The following GUCY2F variants were observed in gnomAD, a reference collection of about 807,000 sequenced individuals.
GUCY2F encodes guanylate cyclase 2F, retinal.
Under a neutral mutation model 73.1 loss-of-function variants are expected in GUCY2F, and 61 were observed. The ratio of observed to expected loss-of-function variants is 0.83; its 90% CI spans 0.68 to 1.03. The LOEUF is 1.03. Ranked by LOEUF, GUCY2F falls within the 50% of genes least tolerant of loss-of-function variation. GUCY2F has a pLI of 0.00. For missense variants in GUCY2F, 912 were observed against 854.3 expected, an observed-to-expected ratio of 1.07 and a Z score of -0.84; for synonymous variants, 331 against 307.8, an observed-to-expected ratio of 1.08 and a Z score of -0.79.
chrX:109,415,372 C>A (rs1454195449), intron 8 of GUCY2F, among the ~76,000 whole-genome samples: 1 of 112,224 alleles, frequency 8.9e-6, no homozygotes, highest in Non-Finnish European at 1.9e-5. Context: ...AGTTTTCTCC[C>A]CACAGCATAT....
chrX:109,477,016 A>T lies in GUCY2F; in HGVS notation c.-85-995T>A, dbSNP rs373577148. ...TTAAGCAGGGAAATAGTATTATCAG[A>T]TTTCCATTTTAAAGGATCTCTCTAG... On this transcript the variant is annotated intron_variant, in intron 1 of 19. Coordinates refer to ENST00000218006, the MANE Select transcript of GUCY2F (RefSeq NM_001522.3). 5.4e-5 allele frequency among the ~76,000 whole-genome samples: 6 copies of T among 110,565 alleles called. No individual in the cohort carries two copies. The East Asian group carries it at 1.7e-3, about 32-fold the overall frequency.
intron 4 of GUCY2F, 132 bp downstream of exon 4, chrX:109,453,373 A>T (rs1932177605): frequency 2.3e-6 from 1 of 426,182 alleles, no homozygotes; most frequent in Non-Finnish European, 4.1e-6. Context: ...GAGTGCCAAG[A>T]AGTGTATGTC....
intron 9 of GUCY2F, 47 bp downstream of exon 9, chrX:109,408,945 T>A: frequency 1.6e-6 from 1 of 637,489 alleles, no homozygotes; most frequent in Non-Finnish European, 2.6e-6. Flanking sequence ...ACATTAAAGT[T>A]CTAATCTACA....
At chrX:109,405,906 T>C (rs1930961738) in intron 9 of GUCY2F, among the ~76,000 whole-genome samples, 1 of 111,692 alleles carries the variant, frequency 9.0e-6, no homozygotes, top group Admixed American at 9.5e-5. Flanking sequence ...AGACACTCTA[T>C]AACAACGAGT....
rs1209733508 is a variant in GUCY2F at position 109,462,072 on chromosome X, G to A, written c.1032+3070C>T. Among the ~76,000 whole-genome samples, 25 of 112,702 alleles carry A rather than the reference G, an allele frequency of 2.2e-4. No individual in the cohort carries two copies. In the Admixed American group the frequency reaches 2.2e-3, roughly 10 times the overall value. ...CTAAAGATTGTAACTTAGATGCTAGGTCACCACCAATCAATAAGGTCATCC... is the reference window on the plus strand; with the variant it reads ...CTAAAGATTGTAACTTAGATGCTAGATCACCACCAATCAATAAGGTCATCC... On this transcript the variant is annotated intron_variant, in intron 3 of 19. Transcript: ENST00000218006.
Position 109,382,167 on chromosome X carries a change from T to A in GUCY2F, c.3101A>T (p.Asn1034Ile), listed in dbSNP as rs1930331525. Residue 1034 changes from asparagine (N) to isoleucine (I), a missense_variant, in exon 17 of 20, where the codon AAT becomes ATT. Transcript: ENST00000218006. ...CTCCACTTCATAGCCCTCACTCAGA[T>A]TTTGAAGAATTGTAACAGTGCTGAG... ...VSLSTVTILQ[N>I]LSEGYEVELR... 1 of 1,186,180 alleles carries A rather than the reference T, an allele frequency of 8.4e-7. No individual in the cohort carries two copies. Among genetic ancestry groups the A allele is most frequent in the African/African-American group, 1.8e-5 (1 of 56,923 alleles).
intron 11 of GUCY2F, among the ~76,000 whole-genome samples, chrX:109,397,274 GT>G (rs772206349): frequency 9.0e-6 from 1 of 111,122 alleles, no homozygotes; most frequent in African/African-American, 3.3e-5. Flanking sequence ...GCCTGGAGAG[GT>G]AGCTAGGGGC....
intron 2 of GUCY2F, among the ~76,000 whole-genome samples, chrX:109,467,252 C>G (rs1932486909): frequency 8.9e-6 from 1 of 111,932 alleles, no homozygotes; most frequent in African/African-American, 3.2e-5. Flanking sequence ...TTGGCTGAAC[C>G]ATTAAAAGTA....
At chrX:109,449,441 T>C (rs1318179346) in intron 5 of GUCY2F, among the ~76,000 whole-genome samples, 1 of 112,008 alleles carries the variant, frequency 8.9e-6, no homozygotes, top group Non-Finnish European at 1.9e-5. Context: ...AACTGATCTG[T>C]TTCATATGTG....
intron 17 of GUCY2F, among the ~76,000 whole-genome samples, chrX:109,381,011 A>G (rs1930293346): frequency 8.9e-6 from 1 of 112,054 alleles, no homozygotes; most frequent in African/African-American, 3.2e-5. Flanking sequence ...GTTCTCTGCA[A>G]GAGGTGGGAA....
At position 109,392,133 on chromosome X, in the gene GUCY2F, T is replaced by C. The variant is rs373804600; in HGVS notation, c.2589-30A>G. 1.1e-5 allele frequency: 12 copies of C among 1,087,948 alleles called. No homozygotes were observed. The African/African-American group carries it at 2.0e-4, about 18-fold the overall frequency. The allele number at this position is 1,087,948 out of a possible 1,213,427, so 89.7% of individuals were successfully genotyped here. On this transcript the variant is annotated intron_variant, in intron 13 of 19. Transcript: ENST00000218006. Reference sequence around the variant, plus strand: ...AAAGCAGACACAGCTATTCCTAAGATGACACTGGTCCCCCTTCATGCCACA... The same window carrying C: ...AAAGCAGACACAGCTATTCCTAAGACGACACTGGTCCCCCTTCATGCCACA...
chrX:109,422,087 T>G (rs1474076471), intron 8 of GUCY2F, among the ~76,000 whole-genome samples: 1 of 111,801 alleles, frequency 8.9e-6, no homozygotes, highest in African/African-American at 3.2e-5. Context: ...GATAAATTAC[T>G]GAAAAGGAGG....
At chrX:109,392,707 T>C (rs949108265) in intron 13 of GUCY2F, among the ~76,000 whole-genome samples, 185 bp downstream of exon 13, 3 of 112,162 alleles carry the variant, frequency 2.7e-5, no homozygotes, top group African/African-American at 9.7e-5. Flanking sequence ...GGATGTGTGC[T>C]CTGCTCCCTT....
chrX:109,475,841 G>A lies in GUCY2F; in HGVS notation c.96C>T (p.Phe32=). The A allele has an allele frequency of 8.3e-7, 1 of 1,210,703 alleles. No homozygotes were observed. The stretch of plus-strand genomic sequence containing the variant: ...CAGACAGAAGGCACAAGCACCACAG[G>A]AACTTGGCAGATGCAAGGCCATGGT... ...LGHHGLASAK[F]LWCLCLLSVM... is the part of the protein sequence containing the mutation. The change falls in exon 2 of 20, where the codon TTC becomes TTT. Residue 32 remains phenylalanine, a synonymous_variant. Transcript: ENST00000218006.
intron 8 of GUCY2F, among the ~76,000 whole-genome samples, chrX:109,421,850 G>T (rs997384346): frequency 2.7e-5 from 3 of 111,014 alleles, no homozygotes; most frequent in Admixed American, 9.6e-5. Flanking sequence ...TGTTCAACAG[G>T]AGAATGATAA....
rs137920831 is a variant in GUCY2F, at chrX:109,476,669, G to T, written c.-85-648C>A. Among the ~76,000 whole-genome samples, 804 of 109,344 alleles carry T rather than the reference G, an allele frequency of 7.4e-3. 18 individuals are homozygous for T. Among genetic ancestry groups the T allele is most frequent in the African/African-American group, 0.024 (729 of 29,904 alleles). 95.0% of individuals were successfully genotyped at this position (109,344 alleles called of 115,157 possible). A position where few individuals can be genotyped will look rare whatever the true frequency, so the allele number is the denominator to read the frequency against. On this transcript the variant is annotated intron_variant, in intron 1 of 19. Coordinates refer to ENST00000218006, the MANE Select transcript of GUCY2F (RefSeq NM_001522.3). Reference sequence around the variant, plus strand: ...AGTTGCAGGAGTAGTTTGGTGCTAAGATGCTAAGAGCCTTCCAAACAGAAG... The same window carrying T: ...AGTTGCAGGAGTAGTTTGGTGCTAATATGCTAAGAGCCTTCCAAACAGAAG...
At chrX:109,471,621 T>C (rs947548731) in intron 2 of GUCY2F, among the ~76,000 whole-genome samples, 1 of 112,392 alleles carries the variant, frequency 8.9e-6, no homozygotes, top group Admixed American at 9.4e-5. Flanking sequence ...AATTAAGGCC[T>C]TTGTCTTTGA....
intron 8 of GUCY2F, among the ~76,000 whole-genome samples, chrX:109,425,058 T>C (rs1436132269): frequency 9.0e-6 from 1 of 111,495 alleles, no homozygotes; most frequent in East Asian, 2.8e-4. Context: ...TGAGCCACCA[T>C]GCCCAGCTGA....
intron 3 of GUCY2F, among the ~76,000 whole-genome samples, chrX:109,461,926 A>G (rs775982434): frequency 1.8e-5 from 2 of 112,876 alleles, no homozygotes; most frequent in Non-Finnish European, 3.7e-5. Flanking sequence ...ACAGAAGCCC[A>G]GGGATAGGCA....
Sources: gnomAD v4.1 joint callset for allele counts (sites outside exome capture counted in the v4.1 genomes callset) on GRCh38, gnomAD v4.1.1 for gene constraint, MANE v1.5 for transcripts, NCBI Gene and HGNC (gene_info 2026-07-23, HGNC 2026-07-21) for gene names.